Variants in PAIP2 observed in about 807,000 individuals in gnomAD.
The protein encoded by PAIP2 is poly(A) binding protein interacting protein 2, also known as polyadenylate-binding protein-interacting protein 2.
In PAIP2, 7 loss-of-function variants were observed where a neutral mutation model predicts 14.8. That is an observed-to-expected ratio of 0.47 (90% CI 0.27 to 0.89). The LOEUF is 0.89. Among genes scored for constraint, PAIP2 ranks in the 40% least tolerant of loss-of-function variants. PAIP2 has a pLI of 0.13. For missense variants in PAIP2, 122 were observed against 154.7 expected (o/e 0.79, Z 1.12); for synonymous variants, 47 against 45.3 (o/e 1.04, Z -0.15).
intron 1 of PAIP2, among the ~76,000 whole-genome samples, chr5:139,344,384 A>T (rs1756474336): frequency 6.6e-6 from 1 of 152,142 alleles, no homozygotes; most frequent in Admixed American, 6.5e-5. Context: ...TGCCTTTGTG[A>T]TCTAGACCAC....
intron 3 of PAIP2, among the ~76,000 whole-genome samples, chr5:139,366,499 A>T (rs1386998586): frequency 6.6e-6 from 1 of 152,208 alleles, no homozygotes; most frequent in Non-Finnish European, 1.5e-5. Context: ...ACATTGTGGT[A>T]TATAGCCTTT....
intron 1 of PAIP2, among the ~76,000 whole-genome samples, chr5:139,362,127 G>C (rs375314657): frequency 6.6e-6 from 1 of 152,138 alleles, no homozygotes; most frequent in African/African-American, 2.4e-5. Context: ...TCAATCCCTG[G>C]ACTTTTTGAA....
chr5:139,344,080 T>C (rs1217478176), intron 1 of PAIP2, among the ~76,000 whole-genome samples: 1 of 152,222 alleles, frequency 6.6e-6, no homozygotes, highest in Non-Finnish European at 1.5e-5. Context: ...CCAGGCATTG[T>C]TCTCATTGCC....
In PAIP2 at chr5:139,363,740, G is replaced by C. The variant is rs201355882; in HGVS notation, c.-26-19G>C. On this transcript the variant is annotated intron_variant, in intron 1 of 3. Coordinates refer to ENST00000265192, the MANE Select transcript of PAIP2 (RefSeq NM_016480.5). ...CCCTGAATGAGTAAGTAAATTAACT[G>C]TGCTGTTGTTCTTTTAAGGTTAAAA... is the stretch of plus-strand genomic sequence containing the variant. 3.7e-6 allele frequency: 6 copies of C among 1,605,536 alleles called. No homozygotes were observed. The highest frequency in any genetic ancestry group is 4.3e-6 in the Non-Finnish European group (5 of 1,175,382).
chr5:139,363,485 CT>C (rs1020910964), intron 1 of PAIP2, among the ~76,000 whole-genome samples: 3 of 152,072 alleles, frequency 2.0e-5, no homozygotes, highest in Non-Finnish European at 2.9e-5. Context: ...CTTTGAGAGG[CT>C]TGGGTGGGAG....
chr5:139,355,580 T>G (rs1031550951), intron 1 of PAIP2, among the ~76,000 whole-genome samples: 7 of 152,192 alleles, frequency 4.6e-5, no homozygotes, highest in Non-Finnish European at 8.8e-5. Context: ...ATATACTTGA[T>G]TTGAAGTCTT....
At chr5:139,354,955 G>A (rs982094129) in intron 1 of PAIP2, among the ~76,000 whole-genome samples, 1 of 151,612 alleles carries the variant, frequency 6.6e-6, no homozygotes, top group African/African-American at 2.4e-5. Flanking sequence ...GAGTAGCTGG[G>A]ACTACAGGCA....
In PAIP2 at chr5:139,354,675, G is replaced by A. The variant is rs116861313; in HGVS notation, c.-26-9084G>A. 1.6e-3 allele frequency among the ~76,000 whole-genome samples: 243 copies of A among 152,126 alleles called. 3 individuals are homozygous for A. The highest frequency in any genetic ancestry group is 0.015 in the East Asian group (77 of 5,184). ...GTTGATGTCTCCTGGGTCTGTCAAC[G>A]TTCTGTTCATTTTTCTTCATTTCCT... On this transcript the variant is annotated intron_variant, in intron 1 of 3. Coordinates refer to ENST00000265192, the MANE Select transcript of PAIP2 (RefSeq NM_016480.5).
chr5:139,368,139 T>C (rs1757396575), intron 3 of PAIP2, among the ~76,000 whole-genome samples: 1 of 152,060 alleles, frequency 6.6e-6, no homozygotes, highest in Non-Finnish European at 1.5e-5. Context: ...ATCGAGACCA[T>C]CCTGGCTAAC....
At chr5:139,362,074 T>C (rs1757081717) in intron 1 of PAIP2, among the ~76,000 whole-genome samples, 1 of 152,090 alleles carries the variant, frequency 6.6e-6, no homozygotes, top group African/African-American at 2.4e-5. Context: ...GCTATATACA[T>C]GAAGAACCTA....
intron 1 of PAIP2, among the ~76,000 whole-genome samples, chr5:139,343,960 C>G (rs1756461515): frequency 6.6e-6 from 1 of 152,112 alleles, no homozygotes; most frequent in Non-Finnish European, 1.5e-5. Flanking sequence ...TTGTGATCCG[C>G]CCCCGTCGGC....
In PAIP2 at chr5:139,362,389, T is replaced by G. The variant is rs996448593; in HGVS notation, c.-26-1370T>G. On this transcript the variant is annotated intron_variant, in intron 1 of 3. Coordinates refer to ENST00000265192, the MANE Select transcript of PAIP2 (RefSeq NM_016480.5). Reference sequence around the variant, plus strand: ...GCATGTACCACCATGCCCAGCTAAATTTTTTGTTTTTGGGTGTTTTTTTTT... The same window carrying G: ...GCATGTACCACCATGCCCAGCTAAAGTTTTTGTTTTTGGGTGTTTTTTTTT... Among the ~76,000 whole-genome samples the G allele has an allele frequency of 6.6e-5, 10 of 150,628 alleles. 1 individual carries two copies. Among genetic ancestry groups the G allele is most frequent in the African/African-American group, 2.4e-4 (10 of 41,010 alleles).
At chr5:139,352,755 GCCA>G (rs1756785444) in intron 1 of PAIP2, among the ~76,000 whole-genome samples, 1 of 151,550 alleles carries the variant, frequency 6.6e-6, no homozygotes, top group Admixed American at 6.6e-5. Flanking sequence ...ACAGGCATGA[GCCA>G]CCACGCCCAG....
At position 139,348,145 on chromosome 5, in the gene PAIP2, C is replaced by CAA. The variant is rs56677878; in HGVS notation, c.-27+6183_-27+6184dup. On this transcript the variant is annotated intron_variant, in intron 1 of 3. Transcript: ENST00000265192. ...TGGGCAACAGAGTGAGACTCCATGT[C>CAA]AAAAAAAAAAAAAAAAAAACTACGA... 7.5e-4 allele frequency among the ~76,000 whole-genome samples: 52 copies of CAA among 69,626 alleles called. 1 individual carries two copies. The highest frequency in any genetic ancestry group is 2.0e-3 in the East Asian group (4 of 1,980). 45.7% of individuals were successfully genotyped at this position (69,626 alleles called of 152,430 possible). A position where few individuals can be genotyped will look rare whatever the true frequency, so the allele number is the denominator to read the frequency against.
At chr5:139,352,358 C>G (rs887476115) in intron 1 of PAIP2, among the ~76,000 whole-genome samples, 1 of 151,768 alleles carries the variant, frequency 6.6e-6, no homozygotes, top group African/African-American at 2.4e-5. Flanking sequence ...GAGATTAATA[C>G]TGAACATTTT....
chr5:139,355,331 A>G (rs13176910), intron 1 of PAIP2, among the ~76,000 whole-genome samples: 83,316 of 151,336 alleles, frequency 0.55, 25,533 homozygotes, highest in Non-Finnish European at 0.7. Flanking sequence ...CCCCATGCCC[A>G]GCTAAATTTT....
chr5:139,365,908 T>A (rs1442090325), intron 3 of PAIP2, among the ~76,000 whole-genome samples: 1 of 152,148 alleles, frequency 6.6e-6, no homozygotes, highest in African/African-American at 2.4e-5. Context: ...TTTTGCTCTT[T>A]AATCTTGTCT....
intron 1 of PAIP2, 115 bp from the exon 2 acceptor site, chr5:139,363,644 G>C: frequency 1.2e-6 from 1 of 825,842 alleles, no homozygotes; most frequent in Non-Finnish European, 1.9e-6. Flanking sequence ...TCGAGGCTGT[G>C]GTGAGCCATG....
chr5:139,364,095 A>G (rs761274529), intron 2 of PAIP2, 173 bp downstream of exon 2: 21 of 615,054 alleles, frequency 3.4e-5, no homozygotes, highest in Non-Finnish European at 5.1e-5. Context: ...GCTTACGGAA[A>G]TAACCTGGGG....
Sources: gnomAD v4.1 joint callset for allele counts (sites outside exome capture counted in the v4.1 genomes callset) on GRCh38, gnomAD v4.1.1 for gene constraint, MANE v1.5 for transcripts, NCBI Gene and HGNC (gene_info 2026-07-23, HGNC 2026-07-21) for gene names.